FOXP2: variants seen among roughly 807,000 people sequenced by gnomAD.
FOXP2 encodes forkhead box protein P2.
A neutral mutation model predicts 115.8 loss-of-function variants in FOXP2; 12 were observed. The observed-to-expected ratio is 0.10, with a 90% CI of 0.07 to 0.17. The LOEUF (loss-of-function observed/expected upper bound fraction) is 0.17. Among genes scored for constraint, FOXP2 ranks in the 10% least tolerant of loss-of-function variants. The probability of loss-of-function intolerance (pLI) is 1.00; values close to 1 mark genes in which losing one functional copy is unlikely to be tolerated. For missense variants in FOXP2, 629 were observed against 843.5 expected, an observed-to-expected ratio of 0.75 and a Z score of 3.15; for synonymous variants, 328 against 297.7, an observed-to-expected ratio of 1.10 and a Z score of -1.05.
intron 2 of FOXP2, among the ~76,000 whole-genome samples, chr7:114,317,021 G>A (rs1797294600): frequency 6.6e-6 from 1 of 152,144 alleles, no homozygotes; most frequent in South Asian, 2.1e-4. Context: ...ACAAGGACTT[G>A]CAGTGTCTGC....
chr7:114,582,297 G>C (rs527711054), intron 3 of FOXP2, among the ~76,000 whole-genome samples: 1 of 152,254 alleles, frequency 6.6e-6, no homozygotes, highest in South Asian at 2.1e-4. Flanking sequence ...TATATTATGT[G>C]TTGTCTGTTT....
intron 16 of FOXP2, chr7:114,669,864 C>T (rs1235923112): frequency 6.6e-6 from 1 of 152,046 alleles, no homozygotes; most frequent in Non-Finnish European, 1.5e-5. Flanking sequence ...AATTGTTTCT[C>T]CTCATTCTCA....
In FOXP2 at chr7:114,347,585, A is replaced by T. The variant is rs533326406; in HGVS notation, c.-11+59476A>T. The stretch of plus-strand genomic sequence containing the variant: ...AGGAAGTCTTAGAAAATTTCTCCAA[A>T]TAATAGATATCTATCATTGGAAAAT... On this transcript the variant is annotated intron_variant, in intron 2 of 17. Transcript: ENST00000634411. Among the ~76,000 whole-genome samples, 4 of 152,130 alleles carry T rather than the reference A, an allele frequency of 2.6e-5. No individual in the cohort carries two copies. In the East Asian group the frequency reaches 7.7e-4, roughly 29 times the overall value.
Position 114,414,846 on chromosome 7 carries a change from G to A in FOXP2, c.-525G>A. On this transcript the variant is annotated 5_prime_UTR_variant, in exon 1 of 17. Transcript: ENST00000350908. The stretch of plus-strand genomic sequence containing the variant: ...ATGAAAGCTAACCGAGGACTTGAGA[G>A]ACTCAAACTGGTGCTTTTGTCTCTC... The A allele has an allele frequency of 2.9e-6, 1 of 339,644 alleles. No homozygotes were observed. The highest frequency in any genetic ancestry group is 5.8e-6 in the Non-Finnish European group (1 of 172,758). 21.0% of individuals were successfully genotyped at this position (339,644 alleles called of 1,614,324 possible). A position where few individuals can be genotyped will look rare whatever the true frequency, so the allele number is the denominator to read the frequency against.
chr7:114,319,428 G>A (rs542737364), intron 2 of FOXP2, among the ~76,000 whole-genome samples: 12 of 152,308 alleles, frequency 7.9e-5, no homozygotes, highest in Non-Finnish European at 1.0e-4. Flanking sequence ...TTGAGCCTGG[G>A]CAATTTACAG....
In FOXP2 at chr7:114,415,273, C is replaced by CT. The variant is rs758072474; in HGVS notation, c.-92dup. Reference sequence around the variant, plus strand: ...CTTTTTATACTGTTTTCTGTGCTGGCTTTTTTGAATCTTCCTAATTTTTCA... The same window carrying CT: ...CTTTTTATACTGTTTTCTGTGCTGGCTTTTTTTGAATCTTCCTAATTTTTCA... On this transcript the variant is annotated 5_prime_UTR_variant, in exon 1 of 17. Coordinates refer to ENST00000350908, the MANE Select transcript of FOXP2 (RefSeq NM_014491.4). 2.6e-5 allele frequency: 12 copies of CT among 453,754 alleles called. No individual in the cohort carries two copies. In the East Asian group the frequency reaches 7.0e-4, roughly 26 times the overall value. The allele number at this position is 453,754 out of a possible 1,614,324, so 28.1% of individuals were successfully genotyped here. A position where few individuals can be genotyped will look rare whatever the true frequency, so the allele number is the denominator to read the frequency against.
chr7:114,552,298 AG>A (rs1435982261), intron 3 of FOXP2, among the ~76,000 whole-genome samples: 3 of 152,116 alleles, frequency 2.0e-5, no homozygotes, highest in Non-Finnish European at 4.4e-5. Context: ...TATTTGGGAG[AG>A]GCACTGGGTT....
chr7:114,578,705 A>T (rs1396108649), intron 3 of FOXP2, among the ~76,000 whole-genome samples: 1 of 152,098 alleles, frequency 6.6e-6, no homozygotes, highest in African/African-American at 2.4e-5. Context: ...TACTTTTAAA[A>T]TTACCATTCA....
intron 3 of FOXP2, among the ~76,000 whole-genome samples, chr7:114,544,596 A>T (rs1221335234): frequency 6.6e-6 from 1 of 152,258 alleles, no homozygotes; most frequent in Non-Finnish European, 1.5e-5. Context: ...GTGCTACTGC[A>T]CGTTCTCAAG....
intron 3 of FOXP2, among the ~76,000 whole-genome samples, chr7:114,565,299 A>G (rs1156765446): frequency 6.6e-6 from 1 of 152,162 alleles, no homozygotes; most frequent in Non-Finnish European, 1.5e-5. Flanking sequence ...TTTTATATCC[A>G]CATGGCTAAT....
At chr7:114,600,242 T>G (rs1012472453) in intron 3 of FOXP2, among the ~76,000 whole-genome samples, 4 of 152,218 alleles carry the variant, frequency 2.6e-5, no homozygotes, top group Non-Finnish European at 5.9e-5. Context: ...TTTTGCCTTT[T>G]CCAGAATGTC....
At chr7:114,222,741 G>A (rs1428907294) in intron 1 of FOXP2, among the ~76,000 whole-genome samples, 1 of 152,174 alleles carries the variant, frequency 6.6e-6, no homozygotes, top group Non-Finnish European at 1.5e-5. Flanking sequence ...GGATGGGGTA[G>A]CTTTTAAAGA....
chr7:114,412,213 A>AT (rs949236478), upstream of FOXP2, among the ~76,000 whole-genome samples: 39 of 152,072 alleles, frequency 2.6e-4, no homozygotes, highest in African/African-American at 9.2e-4. Flanking sequence ...ATAAGTTAAA[A>AT]TTTTTTTACT....
chr7:114,557,863 G>T (rs1800543462), intron 3 of FOXP2, among the ~76,000 whole-genome samples: 1 of 151,836 alleles, frequency 6.6e-6, no homozygotes, highest in South Asian at 2.1e-4. Context: ...AGGCTGGTGT[G>T]CAGTGGCCCG....
At chr7:114,206,583 C>G (rs886081707) in intron 1 of FOXP2, among the ~76,000 whole-genome samples, 4 of 152,078 alleles carry the variant, frequency 2.6e-5, no homozygotes, top group African/African-American at 9.7e-5. Context: ...CTGTATTTTC[C>G]TTCATGATCT....
chr7:114,541,008 T>A (rs1799637700), intron 3 of FOXP2, among the ~76,000 whole-genome samples: 1 of 152,060 alleles, frequency 6.6e-6, no homozygotes, highest in South Asian at 2.1e-4. Flanking sequence ...CAGTGGTCTG[T>A]GAAGATAGCA....
intron 2 of FOXP2, among the ~76,000 whole-genome samples, chr7:114,439,675 G>T (rs1794513246): frequency 6.6e-6 from 1 of 152,000 alleles, no homozygotes; most frequent in South Asian, 2.1e-4. Flanking sequence ...CTCCTGAGTA[G>T]CTAGGACTAC....
intron 3 of FOXP2, among the ~76,000 whole-genome samples, chr7:114,621,243 CT>C (rs1240952884): frequency 3.9e-5 from 6 of 151,924 alleles, no homozygotes; most frequent in African/African-American, 1.4e-4. Context: ...TTATCAGCAT[CT>C]TTTTGATATC....
chr7:114,625,820 G>T (rs1309060969), intron 3 of FOXP2, among the ~76,000 whole-genome samples: 6 of 151,710 alleles, frequency 4.0e-5, no homozygotes, highest in Admixed American at 2.6e-4. Context: ...GCTTATATAT[G>T]TGGATTTAGA....
Sources: gnomAD v4.1 joint callset for allele counts (sites outside exome capture counted in the v4.1 genomes callset) on GRCh38, gnomAD v4.1.1 for gene constraint, MANE v1.5 for transcripts, NCBI Gene and HGNC (gene_info 2026-07-23, HGNC 2026-07-21) for gene names.